Variants in WNT7A observed in about 807,000 individuals in gnomAD.
WNT7A encodes the protein protein Wnt-7a.
WNT7A carries 16 observed loss-of-function variants against 28.2 expected under a neutral mutation model. That is an observed-to-expected ratio of 0.57 (90% CI 0.38 to 0.86). The LOEUF (loss-of-function observed/expected upper bound fraction) is 0.86. WNT7A is among the 40% of genes least tolerant of loss of function. The pLI is 0.00. For missense variants in WNT7A, 411 were observed against 489.7 expected (o/e 0.84, Z 1.52); for synonymous variants, 190 against 195.9 (o/e 0.97, Z 0.25).
intron 1 of WNT7A, 59 bp downstream of exon 1, chr3:13,879,687 T>G: frequency 5.1e-6 from 8 of 1,573,736 alleles, no homozygotes; most frequent in Non-Finnish European, 6.9e-6. Flanking sequence ...CACACCTCCC[T>G]CCCCGGGCCG....
At chr3:13,843,003 A>G (rs1010876819) in intron 3 of WNT7A, among the ~76,000 whole-genome samples, 1 of 152,164 alleles carries the variant, frequency 6.6e-6, no homozygotes, top group African/African-American at 2.4e-5. Flanking sequence ...ACCTAGGTGG[A>G]CATCACCTAT....
intron 3 of WNT7A, among the ~76,000 whole-genome samples, chr3:13,847,750 G>A (rs1271561366): frequency 6.6e-6 from 1 of 151,324 alleles, no homozygotes. Context: ...GGGGCGCCTA[G>A]AGCAGTCAGA....
intron 2 of WNT7A, among the ~76,000 whole-genome samples, chr3:13,862,006 G>A (rs1011589278): frequency 3.3e-5 from 5 of 152,164 alleles, no homozygotes; most frequent in Non-Finnish European, 7.3e-5. Context: ...TCAGAACTCA[G>A]ATAAGACAAA....
At chr3:13,861,174 T>C (rs1694822099) in intron 2 of WNT7A, among the ~76,000 whole-genome samples, 2 of 152,196 alleles carry the variant, frequency 1.3e-5, no homozygotes, top group South Asian at 4.1e-4. Context: ...GCCCAGATCA[T>C]CCATGTGGAG....
chr3:13,830,591 G>T (rs1005294875), intron 3 of WNT7A, among the ~76,000 whole-genome samples: 1 of 152,016 alleles, frequency 6.6e-6, no homozygotes, highest in African/African-American at 2.4e-5. Context: ...ATCCCACAGG[G>T]ACTGGAGGGC....
chr3:13,845,715 A>G (rs981597684), intron 3 of WNT7A, among the ~76,000 whole-genome samples: 1 of 152,198 alleles, frequency 6.6e-6, no homozygotes, highest in African/African-American at 2.4e-5. Context: ...AGGCAGGGAC[A>G]GATGCACCCA....
At chr3:13,848,157 A>G (rs1373436958) in intron 3 of WNT7A, among the ~76,000 whole-genome samples, 4 of 152,212 alleles carry the variant, frequency 2.6e-5, no homozygotes, top group Admixed American at 2.6e-4. Context: ...GGCTGAGCAA[A>G]GAGTTTTTAG....
intron 2 of WNT7A, among the ~76,000 whole-genome samples, chr3:13,869,696 A>T (rs1695000751): frequency 6.7e-6 from 1 of 149,388 alleles, no homozygotes; most frequent in South Asian, 2.2e-4. Flanking sequence ...GGAAAGATAG[A>T]GAAAGAAGGA....
intron 3 of WNT7A, among the ~76,000 whole-genome samples, chr3:13,850,412 T>C (rs1248322568): frequency 6.6e-6 from 1 of 151,700 alleles, no homozygotes; most frequent in Non-Finnish European, 1.5e-5. Context: ...AGGGCAGGGG[T>C]GGGAATCCAG....
intron 2 of WNT7A, among the ~76,000 whole-genome samples, chr3:13,862,450 T>A (rs1694845999): frequency 1.3e-5 from 2 of 152,262 alleles, no homozygotes; most frequent in South Asian, 4.1e-4. Flanking sequence ...TCTTTTGCTA[T>A]TTAAAGCCAA....
chr3:13,825,302 C>T (rs1279296744), intron 3 of WNT7A, among the ~76,000 whole-genome samples: 3 of 152,146 alleles, frequency 2.0e-5, no homozygotes, highest in African/African-American at 7.2e-5. Context: ...ACAGTGACTC[C>T]CTCATGGTTT....
At chr3:13,877,467 C>T (rs551606921) in intron 1 of WNT7A, among the ~76,000 whole-genome samples, 15 of 152,184 alleles carry the variant, frequency 9.9e-5, no homozygotes, top group Non-Finnish European at 1.9e-4. Flanking sequence ...TCAGGAGGAC[C>T]CTCTGAGCAC....
At chr3:13,838,969 C>A (rs1198996462) in intron 3 of WNT7A, among the ~76,000 whole-genome samples, 1 of 152,114 alleles carries the variant, frequency 6.6e-6, no homozygotes, top group African/African-American at 2.4e-5. Flanking sequence ...TAAAAAGTAT[C>A]TCAGTATTTG....
At chr3:13,833,020 G>A (rs531522785) in intron 3 of WNT7A, among the ~76,000 whole-genome samples, 36 of 152,096 alleles carry the variant, frequency 2.4e-4, no homozygotes, top group African/African-American at 7.5e-4. Flanking sequence ...TTAGGAGCCC[G>A]AGAACTGTGG....
chr3:13,818,596 C>T lies in WNT7A; in HGVS notation c.*348G>A, dbSNP rs1694055025. 1 of 155,824 alleles carries T rather than the reference C, an allele frequency of 6.4e-6. No homozygotes were observed. Among genetic ancestry groups the T allele is most frequent in the African/African-American group, 2.4e-5 (1 of 41,502 alleles). 9.7% of individuals were successfully genotyped at this position (155,824 alleles called of 1,614,324 possible). A position where few individuals can be genotyped will look rare whatever the true frequency, so the allele number is the denominator to read the frequency against. On this transcript the variant is annotated 3_prime_UTR_variant, in exon 4 of 4. Transcript: ENST00000285018. ...CGGATCCCGACGAGGTGGAAGAATT[C>T]TTTTTAATTAAATAAATTAATATTA...
At chr3:13,869,802 T>TCC (rs1559307798) in intron 2 of WNT7A, among the ~76,000 whole-genome samples, 3 of 152,076 alleles carry the variant, frequency 2.0e-5, no homozygotes, top group Non-Finnish European at 4.4e-5. Context: ...AAGGTAGCAG[T>TCC]TGGTCAAACT....
intron 2 of WNT7A, among the ~76,000 whole-genome samples, chr3:13,865,850 G>A (rs1016284050): frequency 6.6e-6 from 1 of 152,130 alleles, no homozygotes; most frequent in African/African-American, 2.4e-5. Context: ...TGGGCCCCAT[G>A]GAGCCTCATG....
chr3:13,848,193 A>G (rs1309271607), intron 3 of WNT7A, among the ~76,000 whole-genome samples: 6 of 152,210 alleles, frequency 3.9e-5, no homozygotes, highest in Non-Finnish European at 7.3e-5. Context: ...CAGTCCATTC[A>G]AAGAAAAATA....
At chr3:13,864,584 C>T (rs778287540) in intron 2 of WNT7A, among the ~76,000 whole-genome samples, 2 of 152,152 alleles carry the variant, frequency 1.3e-5, no homozygotes, top group African/African-American at 4.8e-5. Flanking sequence ...TTGTCCCCAC[C>T]AGATAGCAAG....
Sources: allele counts gnomAD v4.1 joint callset (sites outside exome capture counted in the v4.1 genomes callset), GRCh38; gene constraint gnomAD v4.1.1; transcripts MANE v1.5; gene names NCBI Gene and HGNC (gene_info 2026-07-23, HGNC 2026-07-21).